MMS22L: variants seen among roughly 807,000 people sequenced by gnomAD.
MMS22L encodes MMS22 like, DNA repair protein.
MMS22L carries 74 observed loss-of-function variants against 159.1 expected under a neutral mutation model. The observed-to-expected ratio is 0.47, with a 90% CI of 0.39 to 0.56. The LOEUF (loss-of-function observed/expected upper bound fraction) is 0.56. Among genes scored for constraint, MMS22L ranks in the 20% least tolerant of loss-of-function variants. The probability of loss-of-function intolerance (pLI) is 0.00; values close to 1 mark genes in which losing one functional copy is unlikely to be tolerated. For missense variants in MMS22L, 1,351 were observed against 1,422.1 expected (o/e 0.95, Z 0.80); for synonymous variants, 517 against 506.9 (o/e 1.02, Z -0.27).
chr6:97,164,036 G>A (rs17057474), intron 21 of MMS22L, among the ~76,000 whole-genome samples: 13,611 of 151,898 alleles, frequency 0.09, 1,145 homozygotes, highest in African/African-American at 0.23. Context: ...AGTATTTTAG[G>A]AAAAGTAATC....
intron 8 of MMS22L, 21 bp downstream of exon 8, chr6:97,267,851 T>C (rs1254406309): frequency 6.4e-7 from 1 of 1,570,510 alleles, no homozygotes; most frequent in Non-Finnish European, 8.6e-7. Flanking sequence ...GTCTCAAAAA[T>C]ACAAACTCTT....
chr6:97,241,818 A>T (rs1353333569), intron 11 of MMS22L, among the ~76,000 whole-genome samples: 1 of 152,168 alleles, frequency 6.6e-6, no homozygotes, highest in Non-Finnish European at 1.5e-5. Flanking sequence ...ATTACTATTC[A>T]GTTCAAAGGA....
intron 4 of MMS22L, among the ~76,000 whole-genome samples, chr6:97,273,990 T>C (rs1816012678): frequency 1.3e-5 from 2 of 152,220 alleles, no homozygotes; most frequent in Non-Finnish European, 2.9e-5. Flanking sequence ...TATAAAGCTC[T>C]GAACGACCTT....
chr6:97,255,933 C>T (rs568026482), intron 9 of MMS22L, among the ~76,000 whole-genome samples: 38 of 152,082 alleles, frequency 2.5e-4, no homozygotes, highest in Non-Finnish European at 4.6e-4. Flanking sequence ...TTGTTTAATA[C>T]GTCACTTTCT....
At chr6:97,282,175 T>C in intron 2 of MMS22L, 139 bp downstream of exon 2, 1 of 807,812 alleles carries the variant, frequency 1.2e-6, no homozygotes, top group East Asian at 2.7e-5. Context: ...TGATAATCAT[T>C]TGTACCCTTA....
chr6:97,263,299 A>G lies in MMS22L; in HGVS notation c.942+36T>C, dbSNP rs1301736024. 5 of 1,225,676 alleles carry G rather than the reference A, an allele frequency of 4.1e-6. No homozygotes were observed. In the Admixed American group the frequency reaches 6.3e-5, roughly 15 times the overall value. 75.9% of individuals were successfully genotyped at this position (1,225,676 alleles called of 1,614,324 possible). On this transcript the variant is annotated intron_variant, in intron 9 of 24. Coordinates refer to ENST00000683635, the MANE Select transcript of MMS22L (RefSeq NM_001350599.2). ...ATTGGATTAAATCAATATAAAGGTT[A>G]GTAACAATAACCAACACATCAATTT...
chr6:97,163,916 C>T (rs1407428224), intron 21 of MMS22L, among the ~76,000 whole-genome samples: 3 of 151,868 alleles, frequency 2.0e-5, no homozygotes, highest in African/African-American at 7.3e-5. Flanking sequence ...ATATGTAATA[C>T]ATTTGGAAAC....
At chr6:97,237,105 G>C (rs943742163) in intron 11 of MMS22L, among the ~76,000 whole-genome samples, 1 of 152,130 alleles carries the variant, frequency 6.6e-6, no homozygotes, top group Non-Finnish European at 1.5e-5. Flanking sequence ...AAGGTCAATG[G>C]TAACGGGCAA....
At chr6:97,257,716 C>T (rs1813978402) in intron 9 of MMS22L, among the ~76,000 whole-genome samples, 2 of 152,126 alleles carry the variant, frequency 1.3e-5, no homozygotes, top group South Asian at 4.1e-4. Flanking sequence ...CATGAGCCAC[C>T]ACACCTGGTC....
chr6:97,155,186 T>C (rs1801701703), intron 22 of MMS22L, among the ~76,000 whole-genome samples: 1 of 152,336 alleles, frequency 6.6e-6, no homozygotes, highest in East Asian at 1.9e-4. Context: ...GTATTATTAC[T>C]GATATAGTTT....
intron 4 of MMS22L, among the ~76,000 whole-genome samples, chr6:97,273,451 C>G (rs1273523702): frequency 9.2e-5 from 14 of 152,268 alleles, no homozygotes; most frequent in Non-Finnish European, 4.4e-5. Context: ...ATCCTCTACT[C>G]TCTGTATATC....
intron 22 of MMS22L, among the ~76,000 whole-genome samples, chr6:97,159,205 G>A (rs1033809692): frequency 3.3e-5 from 5 of 151,164 alleles, no homozygotes; most frequent in Non-Finnish European, 7.4e-5. Flanking sequence ...TGCACATTGA[G>A]ATGGGTCTCT....
Position 97,246,457 on chromosome 6 carries a change from TA to T in MMS22L, c.1182+170del, listed in dbSNP as rs139659788. Among the ~76,000 whole-genome samples the T allele has an allele frequency of 2.3e-3, 355 of 152,340 alleles. 1 individual carries two copies. Among genetic ancestry groups the T allele is most frequent in the Non-Finnish European group, 2.6e-3 (174 of 68,018 alleles). On this transcript the variant is annotated intron_variant, in intron 11 of 24. Transcript: ENST00000683635. ...TGTCCTTTAACTGACAACTTAGTGT[TA>T]AAAATCTTTAAAGAATAATCACTAA...
intron 14 of MMS22L, among the ~76,000 whole-genome samples, chr6:97,198,646 A>C (rs1322007884): frequency 6.6e-6 from 1 of 152,102 alleles, no homozygotes; most frequent in Admixed American, 6.6e-5. Context: ...GGAACAAAGA[A>C]TTTTATTAGA....
At position 97,145,045 on chromosome 6, in the gene MMS22L, C is replaced by G. The variant is rs1800860280; in HGVS notation, c.*1761G>C. ...AAACCCACACACACACACACACACA[C>G]ACACACACACACACACACACAAAAA... On this transcript the variant is annotated 3_prime_UTR_variant, in exon 25 of 25. Coordinates refer to ENST00000683635, the MANE Select transcript of MMS22L (RefSeq NM_001350599.2). 6.9e-6 allele frequency: 1 copy of G among 145,364 alleles called. No individual in the cohort carries two copies. The allele number at this position is 145,364 out of a possible 1,614,324, so 9.0% of individuals were successfully genotyped here.
chr6:97,282,670 T>TC, intron 1 of MMS22L, 117 bp from the exon 2 acceptor site: 1 of 461,006 alleles, frequency 2.2e-6, no homozygotes, highest in Non-Finnish European at 3.7e-6. Flanking sequence ...AATTCCCAAT[T>TC]CCCCCTCGCC....
intron 10 of MMS22L, among the ~76,000 whole-genome samples, chr6:97,248,625 C>T (rs1459900678): frequency 6.6e-6 from 1 of 151,982 alleles, no homozygotes; most frequent in East Asian, 1.9e-4. Flanking sequence ...TTTGGGAGGC[C>T]GAAGCAGGCA....
At position 97,145,796 on chromosome 6, in the gene MMS22L, G is replaced by T. The variant is rs1463166524; in HGVS notation, c.*1010C>A. On this transcript the variant is annotated 3_prime_UTR_variant, in exon 25 of 25. Coordinates refer to ENST00000683635, the MANE Select transcript of MMS22L (RefSeq NM_001350599.2). Reference sequence around the variant, plus strand: ...AAAGCTGAGTTTGAGACCCAGGTGGGTTCCCAAAACTAGGACTGGAGCTCT... The same window carrying T: ...AAAGCTGAGTTTGAGACCCAGGTGGTTTCCCAAAACTAGGACTGGAGCTCT... The T allele has an allele frequency of 6.6e-6, 1 of 152,132 alleles. No individual in the cohort carries two copies. The highest frequency in any genetic ancestry group is 1.9e-4 in the East Asian group (1 of 5,192). 9.4% of individuals were successfully genotyped at this position (152,132 alleles called of 1,614,324 possible). A position where few individuals can be genotyped will look rare whatever the true frequency, so the allele number is the denominator to read the frequency against.
intron 18 of MMS22L, among the ~76,000 whole-genome samples, chr6:97,177,039 C>A (rs1804196526): frequency 6.6e-6 from 1 of 152,114 alleles, no homozygotes; most frequent in African/African-American, 2.4e-5. Flanking sequence ...TATCATCACT[C>A]TTTTAGTCAA....
Sources: gnomAD v4.1 joint callset for allele counts (sites outside exome capture counted in the v4.1 genomes callset) on GRCh38, gnomAD v4.1.1 for gene constraint, MANE v1.5 for transcripts, NCBI Gene and HGNC (gene_info 2026-07-23, HGNC 2026-07-21) for gene names.